The following LIMS1 variants were observed in gnomAD, a reference collection of about 807,000 sequenced individuals.
LIMS1 encodes the protein LIM zinc finger domain containing 1, also known as LIM and senescent cell antigen-like-containing domain protein 1.
LIMS1 carries 18 observed loss-of-function variants against 44.1 expected under a neutral mutation model. The observed-to-expected ratio is 0.41, with a 90% CI of 0.28 to 0.61. The LOEUF (loss-of-function observed/expected upper bound fraction) is 0.61, where lower values mean the gene tolerates loss of function less well. Ranked by LOEUF, LIMS1 falls within the 20% of genes least tolerant of loss-of-function variation. LIMS1 has a pLI of 0.32. For missense variants in LIMS1, 201 were observed against 422.0 expected, an observed-to-expected ratio of 0.48 and a Z score of 4.59; for synonymous variants, 93 against 149.1, an observed-to-expected ratio of 0.62 and a Z score of 2.74.
intron 1 of LIMS1, among the ~76,000 whole-genome samples, chr2:108,573,320 T>C (rs10181348): frequency 0.41 from 61,441 of 150,452 alleles, 14,374 homozygotes; most frequent in East Asian, 0.94. Context: ...TTTTTTTTTT[T>C]CTACTGGGTA....
At chr2:108,536,771 C>T (rs1025754228) in intron 1 of LIMS1, among the ~76,000 whole-genome samples, 2 of 152,104 alleles carry the variant, frequency 1.3e-5, no homozygotes, top group African/African-American at 4.8e-5. Context: ...TTGGTAGAAA[C>T]AGGGTTTCGC....
rs566345518 is a variant in LIMS1 at position 108,606,982 on chromosome 2, C to G, written c.33-52623C>G. On this transcript the variant is annotated intron_variant, in intron 1 of 9. Transcript: ENST00000544547. ...AGGGTATGTCTCATGTACCATGCTG[C>G]TGTGGTCTGAATGTGTCTCCCCAAA... Among the ~76,000 whole-genome samples the G allele has an allele frequency of 1.7e-4, 26 of 152,354 alleles. 1 individual carries two copies. In the South Asian group the frequency reaches 5.2e-3, roughly 30 times the overall value.
intron 1 of LIMS1, among the ~76,000 whole-genome samples, chr2:108,572,385 T>TTG (rs1685507749): frequency 6.8e-6 from 1 of 148,132 alleles, no homozygotes; most frequent in African/African-American, 2.5e-5. Flanking sequence ...TCTTGCTTTT[T>TTG]TTTTTTTTTT....
intron 8 of LIMS1, chr2:108,678,392 C>T: frequency 6.4e-6 from 2 of 314,080 alleles, no homozygotes; most frequent in Non-Finnish European, 1.2e-5. Context: ...CTTTAACCTG[C>T]ACATGCTAAA....
intron 1 of LIMS1, among the ~76,000 whole-genome samples, chr2:108,622,855 AT>A (rs1341790537): frequency 5.9e-5 from 9 of 152,160 alleles, no homozygotes; most frequent in Non-Finnish European, 1.3e-4. Flanking sequence ...TATAAAAAAA[AT>A]TCTAAACCAA....
chr2:108,654,275 A>G (rs1690699275), intron 1 of LIMS1, among the ~76,000 whole-genome samples: 1 of 152,096 alleles, frequency 6.6e-6, no homozygotes, highest in African/African-American at 2.4e-5. Flanking sequence ...AGTATGTAAC[A>G]GTTTCCTTAG....
At chr2:108,678,222 T>C (rs1421189470) in intron 8 of LIMS1, among the ~76,000 whole-genome samples, 195 bp downstream of exon 8, 2 of 152,236 alleles carry the variant, frequency 1.3e-5, no homozygotes, top group Non-Finnish European at 2.9e-5. Context: ...TGTTACTGAT[T>C]TATGACACTA....
chr2:108,623,451 A>T (rs1031639019), intron 1 of LIMS1, among the ~76,000 whole-genome samples: 4 of 151,986 alleles, frequency 2.6e-5, no homozygotes, highest in Non-Finnish European at 2.9e-5. Context: ...ATTATTGAAC[A>T]TTATTTACTC....
At chr2:108,610,636 A>C (rs1687548792) in intron 1 of LIMS1, among the ~76,000 whole-genome samples, 2 of 152,104 alleles carry the variant, frequency 1.3e-5, no homozygotes, top group South Asian at 4.1e-4. Flanking sequence ...CCCCACCCAT[A>C]ATCAAATGTC....
chr2:108,665,608 C>G (rs533046583), intron 2 of LIMS1, among the ~76,000 whole-genome samples: 341 of 152,216 alleles, frequency 2.2e-3, no homozygotes, highest in African/African-American at 7.7e-3. Flanking sequence ...CTCACTGCAA[C>G]CTCCACCTCC....
intron 1 of LIMS1, among the ~76,000 whole-genome samples, chr2:108,629,993 G>C (rs1281624379): frequency 6.6e-6 from 1 of 152,158 alleles, no homozygotes; most frequent in African/African-American, 2.4e-5. Flanking sequence ...AGGAGTTCAA[G>C]ACCAGACTGG....
At chr2:108,657,994 G>A (rs1310492648) in intron 1 of LIMS1, 1 of 149,858 alleles carries the variant, frequency 6.7e-6, no homozygotes, top group African/African-American at 2.5e-5. Flanking sequence ...ACCAATAGGG[G>A]CAAGGCAGTT....
chr2:108,568,602 T>G (rs1685375754), intron 1 of LIMS1, among the ~76,000 whole-genome samples: 1 of 152,216 alleles, frequency 6.6e-6, no homozygotes. Context: ...AAGAACCACC[T>G]TACTGTTTTC....
chr2:108,551,943 GTGTGTGTGTGTA>G (rs1324342556), intron 1 of LIMS1, among the ~76,000 whole-genome samples: 6 of 94,314 alleles, frequency 6.4e-5, no homozygotes, highest in East Asian at 2.2e-3. Flanking sequence ...GTGTGTGTGT[GTGTGTGTGTGTA>G]TATATATATA....
At chr2:108,551,569 G>T (rs1684706763) in intron 1 of LIMS1, among the ~76,000 whole-genome samples, 1 of 141,664 alleles carries the variant, frequency 7.1e-6, no homozygotes, top group South Asian at 2.2e-4. Context: ...TGGACGTTCA[G>T]ATTGAAAATG....
intron 1 of LIMS1, among the ~76,000 whole-genome samples, chr2:108,613,943 T>C (rs1687797351): frequency 6.6e-6 from 1 of 151,938 alleles, no homozygotes; most frequent in African/African-American, 2.4e-5. Flanking sequence ...ACTTGACATG[T>C]TTTAAATTGT....
At chr2:108,624,494 C>T (rs185664255) in intron 1 of LIMS1, among the ~76,000 whole-genome samples, 4 of 152,288 alleles carry the variant, frequency 2.6e-5, no homozygotes, top group East Asian at 1.9e-4. Flanking sequence ...CAGTGGCTGA[C>T]GCCTATAATC....
At chr2:108,649,675 A>C (rs991756560) in intron 1 of LIMS1, among the ~76,000 whole-genome samples, 3 of 152,228 alleles carry the variant, frequency 2.0e-5, no homozygotes, top group Non-Finnish European at 2.9e-5. Context: ...CTTTGCAGGG[A>C]CATGGATGAT....
intron 1 of LIMS1, among the ~76,000 whole-genome samples, chr2:108,638,712 A>C (rs1370543048): frequency 6.6e-6 from 1 of 150,726 alleles, no homozygotes; most frequent in Non-Finnish European, 1.5e-5. Context: ...GCACCACTGC[A>C]CTCCAGCCTG....
Sources: gnomAD v4.1 joint callset for allele counts (sites outside exome capture counted in the v4.1 genomes callset) on GRCh38, gnomAD v4.1.1 for gene constraint, MANE v1.5 for transcripts, NCBI Gene and HGNC (gene_info 2026-07-23, HGNC 2026-07-21) for gene names.